NDC80: variants seen among roughly 807,000 people sequenced by gnomAD.
NDC80 encodes the protein NDC80 kinetochore complex component, also known as kinetochore protein NDC80 homolog.
NDC80 carries 69 observed loss-of-function variants against 89.3 expected under a neutral mutation model. The ratio of observed to expected loss-of-function variants is 0.77; its 90% CI spans 0.64 to 0.94. NDC80 has a LOEUF of 0.94. NDC80 is among the 40% of genes least tolerant of loss of function. The pLI is 0.00. For missense variants in NDC80, 593 were observed against 739.6 expected, an observed-to-expected ratio of 0.80 and a Z score of 2.30; for synonymous variants, 243 against 255.6, an observed-to-expected ratio of 0.95 and a Z score of 0.47.
Position 2,580,993 on chromosome 18 carries a change from G to C in NDC80, c.579+1964G>C, listed in dbSNP as rs542892239. ...CTGACCTCGTGATCCGCCCACCTCA[G>C]CCTCCCAAAGTGCTGGGATTACAGG... On this transcript the variant is annotated intron_variant, in intron 6 of 16. Coordinates refer to ENST00000261597, the MANE Select transcript of NDC80 (RefSeq NM_006101.3). 3.9e-5 allele frequency among the ~76,000 whole-genome samples: 6 copies of C among 151,968 alleles called. No individual in the cohort carries two copies. In the East Asian group the frequency reaches 9.8e-4, roughly 25 times the overall value.
In NDC80 at chr18:2,614,335, G is replaced by A. The variant is rs557715767; in HGVS notation, c.1792-2102G>A. 1.8e-3 allele frequency: 284 copies of A among 158,542 alleles called. 1 individual carries two copies. The highest frequency in any genetic ancestry group is 3.2e-3 in the Non-Finnish European group (231 of 72,284). The allele number at this position is 158,542 out of a possible 1,614,324, so 9.8% of individuals were successfully genotyped here. A position where few individuals can be genotyped will look rare whatever the true frequency, so the allele number is the denominator to read the frequency against. ...GCCTGTAATCCCAGCTACTTAGGAG[G>A]CTGAGGCACGAGAATCGCTTGAACC... is the stretch of plus-strand genomic sequence containing the variant. On this transcript the variant is annotated intron_variant, in intron 16 of 16. Transcript: ENST00000261597.
Position 2,601,449 on chromosome 18 carries a change from A to G in NDC80, c.1428A>G (p.Leu476=). 1 of 1,523,986 alleles carries G rather than the reference A, an allele frequency of 6.6e-7. No individual in the cohort carries two copies. Among genetic ancestry groups the G allele is most frequent in the Non-Finnish European group, 8.9e-7 (1 of 1,119,488 alleles). The allele number at this position is 1,523,986 out of a possible 1,614,324, so 94.4% of individuals were successfully genotyped here. The change falls in exon 13 of 17, where the codon CTA becomes CTG. Residue 476 remains leucine (L), a synonymous_variant. Coordinates refer to ENST00000261597, the MANE Select transcript of NDC80 (RefSeq NM_006101.3). ...CTGAAGAAGAAATTAATAAAGCCCT[A>G]AATAAAAAAATGGGTTTGGAGGATA... The part of the protein sequence containing the change: ...NETEEEINKA[L]NKKMGLEDTL...
intron 10 of NDC80, among the ~76,000 whole-genome samples, chr18:2,592,064 A>G (rs1480164943): frequency 1.3e-5 from 2 of 151,960 alleles, no homozygotes; most frequent in African/African-American, 2.4e-5. Flanking sequence ...TTTAATCAAT[A>G]CTTTCTAATA....
intron 16 of NDC80, among the ~76,000 whole-genome samples, chr18:2,611,886 G>A (rs2072746319): frequency 6.6e-6 from 1 of 151,604 alleles, no homozygotes; most frequent in South Asian, 2.1e-4. Context: ...TGGTGCCAAT[G>A]GTCTTCACTT....
At position 2,601,516 on chromosome 18, in the gene NDC80, A is replaced by G. The variant is rs61027632; in HGVS notation, c.1464+31A>G. The G allele has an allele frequency of 4.6e-3, 4,673 of 1,015,474 alleles. 150 individuals carry two copies. The African/African-American group carries it at 0.067, about 15-fold the overall frequency. 62.9% of individuals were successfully genotyped at this position (1,015,474 alleles called of 1,614,324 possible). ...TAATAAAACATAAAAAGTCATAAAAAGTGAAAATTAGATTTTAAAACCTAA... is the reference window on the plus strand; with the variant it reads ...TAATAAAACATAAAAAGTCATAAAAGGTGAAAATTAGATTTTAAAACCTAA... On this transcript the variant is annotated intron_variant, in intron 13 of 16. Coordinates refer to ENST00000261597, the MANE Select transcript of NDC80 (RefSeq NM_006101.3).
intron 7 of NDC80, among the ~76,000 whole-genome samples, chr18:2,587,062 C>T (rs921950297): frequency 5.3e-5 from 8 of 151,836 alleles, no homozygotes; most frequent in Non-Finnish European, 1.0e-4. Context: ...AGTGATACAC[C>T]TTTCCAGTTA....
At position 2,572,967 on chromosome 18, in the gene NDC80, G is replaced by T; in HGVS notation, c.-9-10G>T. On this transcript the variant is annotated splice_polypyrimidine_tract_variant and intron_variant, in intron 1 of 16. Coordinates refer to ENST00000261597, the MANE Select transcript of NDC80 (RefSeq NM_006101.3). ...AAAGTTTTTTTTAAATACTGAATTC[G>T]TGAATGTAGGTCATAAGCATGAAGC... is the stretch of plus-strand genomic sequence containing the variant. 1 of 1,602,422 alleles carries T rather than the reference G, an allele frequency of 6.2e-7. No homozygotes were observed. The highest frequency in any genetic ancestry group is 1.1e-5 in the South Asian group (1 of 89,758).
At chr18:2,578,724 C>G (rs558380416) in intron 5 of NDC80, among the ~76,000 whole-genome samples, 116 of 152,188 alleles carry the variant, frequency 7.6e-4, no homozygotes, top group African/African-American at 2.6e-3. Flanking sequence ...TCTGCAGCTT[C>G]GGGGATAGAT....
chr18:2,579,091 A>G (rs1598364485), intron 6 of NDC80, 62 bp downstream of exon 6: 1 of 985,816 alleles, frequency 1.0e-6, no homozygotes, highest in Non-Finnish European at 1.4e-6. Context: ...CAAAAAAAAT[A>G]TTTTCTCTCC....
chr18:2,585,929 T>C (rs1185092522), intron 7 of NDC80, among the ~76,000 whole-genome samples: 2 of 152,124 alleles, frequency 1.3e-5, no homozygotes, highest in Non-Finnish European at 1.5e-5. Flanking sequence ...TCTTAAGATA[T>C]TGCACGTGGA....
At chr18:2,579,529 G>A (rs1395614687) in intron 6 of NDC80, among the ~76,000 whole-genome samples, 1 of 152,156 alleles carries the variant, frequency 6.6e-6, no homozygotes, top group East Asian at 1.9e-4. Context: ...CCAGGTTCAA[G>A]AAATTCTCCT....
chr18:2,600,626 G>C (rs1291881072), intron 12 of NDC80, among the ~76,000 whole-genome samples: 1 of 151,576 alleles, frequency 6.6e-6, no homozygotes, highest in Admixed American at 6.6e-5. Context: ...AAAACAGAGA[G>C]AGAGATTGAA....
intron 13 of NDC80, among the ~76,000 whole-genome samples, chr18:2,605,001 T>G (rs2072702767): frequency 6.6e-6 from 1 of 152,132 alleles, no homozygotes; most frequent in African/African-American, 2.4e-5. Flanking sequence ...AAAGCAAGGC[T>G]ATTACAGTGA....
intron 6 of NDC80, 174 bp downstream of exon 6, chr18:2,579,203 G>A (rs1179172861): frequency 2.5e-6 from 1 of 399,988 alleles, no homozygotes; most frequent in African/African-American, 2.1e-5. Context: ...GTAAAAGGAA[G>A]AAAGTACCAA....
chr18:2,589,376 A>C, intron 9 of NDC80, 66 bp downstream of exon 9: 1 of 1,087,180 alleles, frequency 9.2e-7, no homozygotes, highest in Non-Finnish European at 1.4e-6. Context: ...CTTGGATATT[A>C]GCTGTCTTTA....
chr18:2,573,604 T>C (rs2072531285), intron 2 of NDC80, among the ~76,000 whole-genome samples: 1 of 152,236 alleles, frequency 6.6e-6, no homozygotes, highest in South Asian at 2.1e-4. Context: ...TATGAGTGAT[T>C]ATCTTCCAGA....
rs770206792 is a variant in NDC80, at chr18:2,587,830, T to C, written c.670T>C (p.Leu224=). 3 of 1,611,942 alleles carry C rather than the reference T, an allele frequency of 1.9e-6. No individual in the cohort carries two copies. In the African/African-American group the frequency reaches 4.0e-5, roughly 22 times the overall value. The change falls in exon 8 of 17, where the codon TTG becomes CTG. Residue 224 remains leucine (L), a splice_region_variant and synonymous_variant. Coordinates refer to ENST00000261597, the MANE Select transcript of NDC80 (RefSeq NM_006101.3). The stretch of plus-strand genomic sequence containing the variant: ...TTCTAAAATCTGCTTAACCCCATAG[T>C]TGTTTTTGGACTACACCATAAAATG... ...ETEDGIMHNK[L]FLDYTIKCYE...
chr18:2,586,272 A>C (rs977765632), intron 7 of NDC80, among the ~76,000 whole-genome samples: 4 of 152,202 alleles, frequency 2.6e-5, no homozygotes, highest in Non-Finnish European at 5.9e-5. Context: ...CAAAAAATAA[A>C]CATGCGCCTT....
At chr18:2,600,466 G>C (rs957736337) in intron 12 of NDC80, among the ~76,000 whole-genome samples, 11 of 151,948 alleles carry the variant, frequency 7.2e-5, no homozygotes, top group Admixed American at 2.0e-4. Context: ...AAAACTAGCC[G>C]GGTGTGGTGG....
Sources: allele counts gnomAD v4.1 joint callset (sites outside exome capture counted in the v4.1 genomes callset), GRCh38; gene constraint gnomAD v4.1.1; transcripts MANE v1.5; gene names NCBI Gene and HGNC (gene_info 2026-07-23, HGNC 2026-07-21).